SFXN5: variants seen among roughly 807,000 people sequenced by gnomAD.
SFXN5 encodes the protein sideroflexin-5.
A neutral mutation model predicts 50.2 loss-of-function variants in SFXN5; 43 were observed. That is an observed-to-expected ratio of 0.86 (90% CI 0.67 to 1.11). The LOEUF (loss-of-function observed/expected upper bound fraction) is 1.11, where lower values mean the gene tolerates loss of function less well. Among genes scored for constraint, SFXN5 ranks in the 50% least tolerant of loss-of-function variants. The pLI, the probability that SFXN5 is intolerant of heterozygous loss-of-function variation, is 0.00. For synonymous variants in SFXN5, 203 were observed against 185.8 expected, an observed-to-expected ratio of 1.09 and a Z score of -0.75; for missense variants, 463 against 454.1, an observed-to-expected ratio of 1.02 and a Z score of -0.18.
chr2:73,061,585 T>C (rs1029074360), intron 1 of SFXN5, among the ~76,000 whole-genome samples: 2 of 152,078 alleles, frequency 1.3e-5, no homozygotes, highest in African/African-American at 4.8e-5. Flanking sequence ...ATAGCGAAGT[T>C]TTCCTTATTC....
At chr2:72,967,470 G>A (rs4852904) in intron 12 of SFXN5, 67,689 of 152,080 alleles carry the variant, frequency 0.45, 16,196 homozygotes, top group African/African-American at 0.62. Flanking sequence ...CTCTTTGAGG[G>A]GGTGGCATTC....
chr2:73,060,687 A>T (rs1271859377), intron 1 of SFXN5, among the ~76,000 whole-genome samples: 1 of 150,700 alleles, frequency 6.6e-6, no homozygotes, highest in African/African-American at 2.5e-5. Context: ...CGGTTATATA[A>T]GAGAATGTCC....
chr2:73,007,303 T>C (rs11695051), intron 6 of SFXN5, among the ~76,000 whole-genome samples: 7,945 of 152,066 alleles, frequency 0.052, 290 homozygotes, highest in South Asian at 0.078. Context: ...GTCAAAACAA[T>C]TGGGTGGTAA....
chr2:73,039,841 C>T (rs536680099), intron 3 of SFXN5, among the ~76,000 whole-genome samples: 46 of 149,176 alleles, frequency 3.1e-4, no homozygotes, highest in Admixed American at 2.5e-3. Flanking sequence ...GACAGAGTTT[C>T]GCTTTGTTGC....
In SFXN5 at chr2:73,047,259, TATATATATATATATATAC is replaced by T. The variant is rs1225115045; in HGVS notation, c.172-6346_172-6329del. ...AAAAAAAAAAAAATATATATATATATATATATATATATATATACACACATATATATATATATATAAAAT... is the reference window on the plus strand; with the variant it reads ...AAAAAAAAAAAAATATATATATATATACACATATATATATATATATAAAAT... On this transcript the variant is annotated intron_variant, in intron 2 of 13. Transcript: ENST00000272433. 1.5e-3 allele frequency among the ~76,000 whole-genome samples: 112 copies of T among 73,458 alleles called. 1 individual carries two copies. The highest frequency in any genetic ancestry group is 6.1e-3 in the African/African-American group (109 of 17,972). 48.2% of individuals were successfully genotyped at this position (73,458 alleles called of 152,430 possible).
intron 13 of SFXN5, among the ~76,000 whole-genome samples, chr2:72,954,814 G>C (rs1299036179): frequency 2.0e-5 from 3 of 152,224 alleles, no homozygotes; most frequent in Admixed American, 2.0e-4. Context: ...CTGAGGGGCA[G>C]CATGTAACTC....
chr2:73,062,610 C>T (rs1460111251), intron 1 of SFXN5, among the ~76,000 whole-genome samples: 2 of 152,194 alleles, frequency 1.3e-5, no homozygotes, highest in Non-Finnish European at 2.9e-5. Flanking sequence ...TTTTGCTCCA[C>T]AGACACCTAC....
chr2:72,996,507 GTTT>G (rs11447075), intron 9 of SFXN5: 4 of 125,372 alleles, frequency 3.2e-5, no homozygotes, highest in South Asian at 2.6e-4. Context: ...GCTGAGTTTT[GTTT>G]TTTTTTTTTT....
intron 5 of SFXN5, chr2:73,020,619 C>A: frequency 4.1e-6 from 1 of 244,254 alleles, no homozygotes; most frequent in Non-Finnish European, 7.8e-6. Context: ...TGCCCACGCT[C>A]ACTACATGAG....
intron 1 of SFXN5, chr2:73,071,077 G>C (rs1300294007): frequency 6.5e-6 from 1 of 152,892 alleles, no homozygotes; most frequent in African/African-American, 2.4e-5. Context: ...CGCGCGCCGA[G>C]CCCGGCTTGG....
chr2:72,967,510 GAT>G (rs1230725205), intron 12 of SFXN5, among the ~76,000 whole-genome samples: 1 of 152,174 alleles, frequency 6.6e-6, no homozygotes, highest in East Asian at 1.9e-4. Context: ...AGAGGACTGG[GAT>G]ACACAAGTGC....
In SFXN5 at chr2:72,950,668, C is replaced by A. The variant is rs932275019; in HGVS notation, c.946-5569G>T. Among the ~76,000 whole-genome samples the A allele has an allele frequency of 1.7e-4, 26 of 152,240 alleles. No individual in the cohort carries two copies. Among genetic ancestry groups the A allele is most frequent in the African/African-American group, 6.0e-4 (25 of 41,466 alleles). On this transcript the variant is annotated intron_variant, in intron 13 of 13. Transcript: ENST00000272433. This position sits in a 1 kb window ranked among gnomAD's most constrained non-coding sequence, Gnocchi z 4.2. ...GGTAAGTGTGGGGCCAAGTTTTCTC[C>A]AAGGGAACCACATCTAGGGCCTTGC...
intron 10 of SFXN5, among the ~76,000 whole-genome samples, chr2:72,979,901 G>A (rs2105510184): frequency 6.6e-6 from 1 of 152,232 alleles, no homozygotes; most frequent in African/African-American, 2.4e-5. Flanking sequence ...AATTTGGAGG[G>A]ATATATACTA....
intron 10 of SFXN5, among the ~76,000 whole-genome samples, chr2:72,982,535 G>A (rs1033222346): frequency 6.6e-6 from 1 of 151,648 alleles, no homozygotes; most frequent in East Asian, 1.9e-4. Flanking sequence ...CAGGCACCGA[G>A]GGGGCTGAGT....
At chr2:73,058,682 T>C (rs1411858734) in intron 1 of SFXN5, 86 bp from the exon 2 acceptor site, 11 of 1,318,848 alleles carry the variant, frequency 8.3e-6, no homozygotes, top group South Asian at 3.6e-5. Context: ...CCCTTTATGA[T>C]TGGGGTCCCC....
intron 6 of SFXN5, among the ~76,000 whole-genome samples, chr2:73,002,552 T>C: frequency 6.6e-6 from 1 of 152,242 alleles, no homozygotes; most frequent in Non-Finnish European, 1.5e-5. Context: ...AAAATGGCTC[T>C]TTGGCAAGAA....
intron 13 of SFXN5, among the ~76,000 whole-genome samples, chr2:72,959,035 C>T (rs1363747214): frequency 6.6e-6 from 1 of 152,192 alleles, no homozygotes. Context: ...GCCCTCGCAG[C>T]CCCAACAGCC....
At chr2:72,983,832 C>T (rs1671590832) in intron 10 of SFXN5, among the ~76,000 whole-genome samples, 4 of 152,112 alleles carry the variant, frequency 2.6e-5, no homozygotes, top group African/African-American at 9.7e-5. Flanking sequence ...CCTCCAAGGC[C>T]CCTTGAGAAG....
chr2:73,048,208 T>C (rs1470920931), intron 2 of SFXN5, among the ~76,000 whole-genome samples: 1 of 152,190 alleles, frequency 6.6e-6, no homozygotes, highest in African/African-American at 2.4e-5. Flanking sequence ...ACGTACATAT[T>C]GTATCAGTCA....
Sources: gnomAD v4.1 joint callset for allele counts (sites outside exome capture counted in the v4.1 genomes callset) on GRCh38, gnomAD v4.1.1 for gene constraint, Gnocchi (gnomAD v3.1) non-coding constraint, MANE v1.5 for transcripts, NCBI Gene and HGNC (gene_info 2026-07-23, HGNC 2026-07-21) for gene names.